The following ADGRL3 variants were observed in gnomAD, a reference collection of about 807,000 sequenced individuals.
The protein encoded by ADGRL3 is calcium-independent alpha-latrotoxin receptor 3.
In ADGRL3, 62 loss-of-function variants were observed where a neutral mutation model predicts 153.5. That is an observed-to-expected ratio of 0.40 (90% confidence interval 0.33 to 0.50). The LOEUF is 0.50. Ranked by LOEUF, ADGRL3 falls within the 20% of genes least tolerant of loss-of-function variation. ADGRL3 has a pLI of 0.47. For synonymous variants in ADGRL3, 710 were observed against 672.5 expected, an observed-to-expected ratio of 1.06 and a Z score of -0.86; for missense variants, 1,641 against 1,859.4, an observed-to-expected ratio of 0.88 and a Z score of 2.16.
chr4:61,961,137 A>G (rs2098986314), intron 17 of ADGRL3, among the ~76,000 whole-genome samples: 1 of 152,086 alleles, frequency 6.6e-6, no homozygotes, highest in African/African-American at 2.4e-5. Context: ...TTAACCACTT[A>G]TAATTGTCTA....
intron 4 of ADGRL3, among the ~76,000 whole-genome samples, chr4:61,535,586 G>GTT (rs200828275): frequency 1.3e-5 from 2 of 151,660 alleles, no homozygotes; most frequent in African/African-American, 4.8e-5. Context: ...CTTGTTGGTA[G>GTT]TTTTTTTTAC....
At chr4:61,938,862 C>CAA (rs71213019) in intron 15 of ADGRL3, among the ~76,000 whole-genome samples, 14,812 of 71,074 alleles carry the variant, frequency 0.21, 1,530 homozygotes, top group East Asian at 0.52. Flanking sequence ...CCCTCCTCCT[C>CAA]AAAAAAAAAA....
At chr4:61,682,765 A>T (rs2095364404) in intron 6 of ADGRL3, among the ~76,000 whole-genome samples, 1 of 151,990 alleles carries the variant, frequency 6.6e-6, no homozygotes, top group Non-Finnish European at 1.5e-5. Flanking sequence ...GAACTGCTTC[A>T]CATGTGCATG....
At chr4:61,685,370 A>G (rs555385682) in intron 6 of ADGRL3, among the ~76,000 whole-genome samples, 1 of 152,294 alleles carries the variant, frequency 6.6e-6, no homozygotes, top group East Asian at 1.9e-4. Flanking sequence ...AATAATGAAC[A>G]CATGAACCAA....
chr4:61,844,695 G>A lies in ADGRL3; in HGVS notation c.1480+30806G>A, dbSNP rs548527014. On this transcript the variant is annotated intron_variant, in intron 9 of 26. Coordinates refer to ENST00000683033, the MANE Select transcript of ADGRL3 (RefSeq NM_001387552.1). ...GTAGTTTGAACATCACTGCTTGAAA[G>A]ATCCTAACTGATAAACTCTCACATT... 3.0e-3 allele frequency among the ~76,000 whole-genome samples: 439 copies of A among 148,298 alleles called. 2 individuals are homozygous for A. The highest frequency in any genetic ancestry group is 0.01 in the African/African-American group (403 of 40,154).
At chr4:61,238,551 G>A (rs1353677568) in intron 1 of ADGRL3, among the ~76,000 whole-genome samples, 1 of 151,664 alleles carries the variant, frequency 6.6e-6, no homozygotes, top group African/African-American at 2.4e-5. Context: ...AATACCCACT[G>A]TATATCCAAA....
intron 1 of ADGRL3, among the ~76,000 whole-genome samples, chr4:61,373,928 A>G (rs1336371215): frequency 6.6e-6 from 1 of 152,228 alleles, no homozygotes; most frequent in Non-Finnish European, 1.5e-5. Context: ...TCTATAACAT[A>G]TAGACATAAA....
intron 2 of ADGRL3, among the ~76,000 whole-genome samples, chr4:61,402,076 T>C (rs1446544144): frequency 6.6e-6 from 1 of 152,052 alleles, no homozygotes; most frequent in Non-Finnish European, 1.5e-5. Context: ...AAATTTGAGG[T>C]TCCTATAATT....
intron 2 of ADGRL3, among the ~76,000 whole-genome samples, chr4:61,469,649 A>G (rs1441878062): frequency 6.6e-6 from 1 of 152,076 alleles, no homozygotes; most frequent in Non-Finnish European, 1.5e-5. Flanking sequence ...ATTAGGATAG[A>G]TAAAGAGAAT....
In ADGRL3 at chr4:62,074,550, A is replaced by G. The variant is rs976553927; in HGVS notation, c.*3642A>G. The G allele has an allele frequency of 6.6e-6, 1 of 152,184 alleles. No homozygotes were observed. The highest frequency in any genetic ancestry group is 1.5e-5 in the Non-Finnish European group (1 of 68,020). 9.4% of individuals were successfully genotyped at this position (152,184 alleles called of 1,614,324 possible). On this transcript the variant is annotated 3_prime_UTR_variant, in exon 27 of 27. Coordinates refer to ENST00000683033, the MANE Select transcript of ADGRL3 (RefSeq NM_001387552.1). ...CGTCCCTTCTTGTTTCCACTATATT[A>G]TAATTAAACACACTGAAGTTGAATA...
intron 5 of ADGRL3, among the ~76,000 whole-genome samples, chr4:61,664,131 T>C (rs1479365233): frequency 6.6e-6 from 1 of 152,122 alleles, no homozygotes; most frequent in Non-Finnish European, 1.5e-5. Flanking sequence ...AGAGGCTCAG[T>C]ACTGAAAACA....
chr4:61,912,703 G>A lies in ADGRL3; in HGVS notation c.2074-16G>A, dbSNP rs773867814. On this transcript the variant is annotated splice_polypyrimidine_tract_variant and intron_variant, in intron 12 of 26. Coordinates refer to ENST00000683033, the MANE Select transcript of ADGRL3 (RefSeq NM_001387552.1). ...TTTTCTATTCTGTGTTTAATCTGCT[G>A]TCTTAATGGATTCAGCTTCAGAAAA... is the stretch of plus-strand genomic sequence containing the variant. 6.2e-7 allele frequency: 1 copy of A among 1,612,264 alleles called. No individual in the cohort carries two copies. Among genetic ancestry groups the A allele is most frequent in the Middle Eastern group, 1.7e-4 (1 of 6,056 alleles).
At chr4:62,010,719 A>G (rs1408581530) in intron 21 of ADGRL3, among the ~76,000 whole-genome samples, 2 of 152,010 alleles carry the variant, frequency 1.3e-5, no homozygotes, top group Non-Finnish European at 2.9e-5. Context: ...ACATTTAATT[A>G]TTGTAATTTA....
intron 2 of ADGRL3, among the ~76,000 whole-genome samples, chr4:61,472,230 G>A (rs557857748): frequency 6.6e-5 from 10 of 152,184 alleles, no homozygotes; most frequent in Admixed American, 3.3e-4. Flanking sequence ...TTCCTGGGAC[G>A]AGATGTTATT....
In ADGRL3 at chr4:61,202,837, G is replaced by A. The variant is rs1735399084; in HGVS notation, c.-240+1072G>A. Among the ~76,000 whole-genome samples the A allele has an allele frequency of 6.6e-6, 1 of 152,222 alleles. No homozygotes were observed. Among genetic ancestry groups the A allele is most frequent in the African/African-American group, 2.4e-5 (1 of 41,466 alleles). On this transcript the variant is annotated intron_variant, in intron 1 of 26. Coordinates refer to ENST00000683033, the MANE Select transcript of ADGRL3 (RefSeq NM_001387552.1). This position sits in a 1 kb window ranked among gnomAD's most constrained non-coding sequence, Gnocchi z 5.0. ...ACTTGGCGGCGGAGTCAGCGTTTGAGTGTGTGCGCATTTTTGCGCCCCAGG... is the reference window on the plus strand; with the variant it reads ...ACTTGGCGGCGGAGTCAGCGTTTGAATGTGTGCGCATTTTTGCGCCCCAGG...
At chr4:61,352,001 G>A (rs1056815370) in intron 1 of ADGRL3, among the ~76,000 whole-genome samples, 10 of 152,142 alleles carry the variant, frequency 6.6e-5, no homozygotes, top group Non-Finnish European at 1.5e-4. Flanking sequence ...GATGGATTCA[G>A]GCAAAGTAAA....
chr4:61,957,705 A>G (rs559374612), intron 17 of ADGRL3, among the ~76,000 whole-genome samples: 1 of 151,712 alleles, frequency 6.6e-6, no homozygotes, highest in East Asian at 1.9e-4. Context: ...TTGTACAAGG[A>G]CACTGCTGTT....
At chr4:61,699,975 C>G (rs1245327938) in intron 6 of ADGRL3, among the ~76,000 whole-genome samples, 2 of 150,612 alleles carry the variant, frequency 1.3e-5, no homozygotes, top group African/African-American at 4.9e-5. Context: ...CACAAAAACA[C>G]ACACAGAGAG....
intron 8 of ADGRL3, among the ~76,000 whole-genome samples, chr4:61,772,292 T>G (rs2097096035): frequency 6.6e-6 from 1 of 152,140 alleles, no homozygotes; most frequent in African/African-American, 2.4e-5. Flanking sequence ...GGAAACTGAC[T>G]CAGTAAGAAT....
Sources: gnomAD v4.1 joint callset for allele counts (sites outside exome capture counted in the v4.1 genomes callset) on GRCh38, gnomAD v4.1.1 for gene constraint, Gnocchi (gnomAD v3.1) non-coding constraint, MANE v1.5 for transcripts, NCBI Gene and HGNC (gene_info 2026-07-23, HGNC 2026-07-21) for gene names.